Variants in QTGAL observed in about 807,000 individuals in gnomAD.
QTGAL encodes BGnT-like protein 1.
At chr17:83,007,198 A>G in the QTGAL span, 1 of 983,062 alleles carries the variant, frequency 1.0e-6, no homozygotes, top group Non-Finnish European at 1.2e-6. Flanking sequence ...GCTGAATTCT[A>G]TCTGTGAACC....
chr17:83,006,078 C>A, the QTGAL span: 1 of 1,000,356 alleles, frequency 1.0e-6, no homozygotes, highest in Non-Finnish European at 1.2e-6. The surrounding 1 kb of genome is among the most constrained non-coding windows in gnomAD (Gnocchi z 5.8). Context: ...GCAGAGCCTC[C>A]CGAGTAGACG....
the QTGAL span, among the ~76,000 whole-genome samples, chr17:82,959,090 G>GTGTGTACAC: frequency 7.0e-6 from 1 of 143,848 alleles, no homozygotes; most frequent in Admixed American, 6.9e-5. Context: ...GTGTGTATGT[G>GTGTGTACAC]TGGGGGTGTA....
At chr17:83,035,177 A>G in the QTGAL span, 2 of 1,236,710 alleles carry the variant, frequency 1.6e-6, no homozygotes, top group Non-Finnish European at 2.3e-6. Context: ...TTAGTATATG[A>G]TATTCTTTTT....
the QTGAL span, among the ~76,000 whole-genome samples, chr17:83,021,743 A>G: frequency 6.6e-6 from 1 of 152,250 alleles, no homozygotes; most frequent in South Asian, 2.1e-4. Flanking sequence ...AAGACTTACA[A>G]TCCCAGATTT....
chr17:82,972,519 A>G, the QTGAL span, among the ~76,000 whole-genome samples: 5 of 120,428 alleles, frequency 4.2e-5, no homozygotes, highest in Non-Finnish European at 6.8e-5. Flanking sequence ...ATGGGCCAGA[A>G]GGACCTGGTG....
the QTGAL span, among the ~76,000 whole-genome samples, chr17:83,035,495 A>AGG: frequency 1.3e-5 from 2 of 152,212 alleles, no homozygotes; most frequent in South Asian, 4.1e-4. Context: ...TAAGAAAGCT[A>AGG]GGAACATTTT....
the QTGAL span, chr17:82,957,415 C>T: frequency 2.4e-5 from 38 of 1,612,874 alleles, no homozygotes; most frequent in Admixed American, 8.3e-5. Context: ...TGCTTGCCAG[C>T]GTTCCAGATG....
chr17:82,943,880 G>A, the QTGAL span: 1 of 152,314 alleles, frequency 6.6e-6, no homozygotes, highest in Non-Finnish European at 1.5e-5. Flanking sequence ...GTCACGTGGT[G>A]AGGGTCCTGG....
the QTGAL span, among the ~76,000 whole-genome samples, chr17:82,989,252 C>T: frequency 1.3e-5 from 2 of 151,828 alleles, no homozygotes; most frequent in African/African-American, 4.8e-5. Context: ...GGAACAGAAA[C>T]CCAAACACTG....
At chr17:82,971,410 C>T in the QTGAL span, among the ~76,000 whole-genome samples, 1 of 152,190 alleles carries the variant, frequency 6.6e-6, no homozygotes, top group Non-Finnish European at 1.5e-5. Flanking sequence ...CCCGGCGAGT[C>T]CTCCAAGCAT....
chr17:83,048,718 T>C, the QTGAL span: 1 of 1,614,080 alleles, frequency 6.2e-7, no homozygotes, highest in Non-Finnish European at 8.5e-7. Flanking sequence ...TTCAAAGTCC[T>C]GTTGCAAAAC....
chr17:82,991,441 CTT>C, the QTGAL span, among the ~76,000 whole-genome samples: 1 of 152,218 alleles, frequency 6.6e-6, no homozygotes, highest in South Asian at 2.1e-4. Flanking sequence ...CTCATTCTCT[CTT>C]TGCCTGTCGC....
At chr17:83,043,718 T>C in the QTGAL span, among the ~76,000 whole-genome samples, 20 of 150,868 alleles carry the variant, frequency 1.3e-4, no homozygotes, top group Non-Finnish European at 2.4e-4. Flanking sequence ...ACAAAAAGAG[T>C]TGATTCTTTG....
At chr17:82,970,594 ACCCG>A in the QTGAL span, among the ~76,000 whole-genome samples, 1 of 134,180 alleles carries the variant, frequency 7.5e-6, no homozygotes. Flanking sequence ...CGACCTCCGC[ACCCG>A]GCGTGGCCGC....
chr17:82,945,767 A>C, the QTGAL span: 1 of 152,216 alleles, frequency 6.6e-6, no homozygotes, highest in Non-Finnish European at 1.5e-5. Flanking sequence ...AAATGTCTCC[A>C]GACACTGCCA....
chr17:83,020,107 A>G, the QTGAL span, among the ~76,000 whole-genome samples: 1,911 of 152,298 alleles, frequency 0.013, 42 homozygotes, highest in African/African-American at 0.044. Flanking sequence ...AGCAAAACAG[A>G]TTTTCTAAAG....
At chr17:82,977,155 G>T in the QTGAL span, among the ~76,000 whole-genome samples, 1 of 152,240 alleles carries the variant, frequency 6.6e-6, no homozygotes, top group Non-Finnish European at 1.5e-5. Context: ...ACTGGGAAAC[G>T]TATTCTCTAT....
At chr17:82,944,192 T>G in the QTGAL span, 1 of 152,206 alleles carries the variant, frequency 6.6e-6, no homozygotes, top group Non-Finnish European at 1.5e-5. Flanking sequence ...TGACACTATG[T>G]GGCAAAGCAG....
chr17:82,985,844 G>A, the QTGAL span, among the ~76,000 whole-genome samples: 10 of 132,922 alleles, frequency 7.5e-5, no homozygotes, highest in East Asian at 1.8e-3. Flanking sequence ...TGAGACAGCT[G>A]GCATTCTTTA....
Sources: allele counts gnomAD v4.1 joint callset (sites outside exome capture counted in the v4.1 genomes callset), GRCh38; gene constraint gnomAD v4.1.1; non-coding constraint Gnocchi (gnomAD v3.1); transcripts MANE v1.5; gene names NCBI Gene and HGNC (gene_info 2026-07-23, HGNC 2026-07-21).